Variants in RAB3IL1 observed in about 807,000 individuals in gnomAD.
RAB3IL1 encodes the protein guanine nucleotide exchange factor for Rab-3A.
Under a neutral mutation model 49.2 loss-of-function variants are expected in RAB3IL1, and 37 were observed. The observed-to-expected ratio is 0.75, with a 90% CI of 0.58 to 0.99. RAB3IL1 has a LOEUF of 0.99. RAB3IL1 is among the 50% of genes least tolerant of loss of function. The probability of loss-of-function intolerance (pLI) is 0.00; values close to 1 mark genes in which losing one functional copy is unlikely to be tolerated. For synonymous variants in RAB3IL1, 193 were observed against 213.9 expected, an observed-to-expected ratio of 0.90 and a Z score of 0.85; for missense variants, 484 against 513.0, an observed-to-expected ratio of 0.94 and a Z score of 0.55.
At chr11:61,918,322 C>T (rs1939799655), upstream of RAB3IL1, among the ~76,000 whole-genome samples, 3 of 152,334 alleles carry the variant, frequency 2.0e-5, no homozygotes, top group South Asian at 2.1e-4. Context: ...CAGAACCCGT[C>T]TTCTCTCCCG....
chr11:61,917,327 G>A (rs1401489362), intron 1 of RAB3IL1, 30 bp downstream of exon 1: 2 of 1,320,262 alleles, frequency 1.5e-6, no homozygotes, highest in African/African-American at 1.5e-5. Context: ...CCCAGACCCA[G>A]CGCGGGACCG....
At chr11:61,920,113 A>G, upstream of RAB3IL1, 1 of 1,347,532 alleles carries the variant, frequency 7.4e-7, no homozygotes, top group Non-Finnish European at 9.6e-7. Flanking sequence ...GGCGTAGCGG[A>G]CAGTCCCTGC....
Position 61,906,892 on chromosome 11 carries a change from G to T in RAB3IL1, c.439-208C>A, listed in dbSNP as rs1255153795. Among the ~76,000 whole-genome samples the T allele has an allele frequency of 1.3e-5, 2 of 152,232 alleles. No individual in the cohort carries two copies. The highest frequency in any genetic ancestry group is 4.8e-5 in the African/African-American group (2 of 41,456). ...GAGGCTCACAGAGGCGACATGGCCT[G>T]CCCAAGGTCACTCTGTGAGCAGGAT... On this transcript the variant is annotated intron_variant, in intron 4 of 9. Coordinates refer to ENST00000394836, the MANE Select transcript of RAB3IL1 (RefSeq NM_013401.4). This position sits in a 1 kb window ranked among gnomAD's most constrained non-coding sequence, Gnocchi z 4.6.
intron 7 of RAB3IL1, among the ~76,000 whole-genome samples, chr11:61,903,930 GT>G (rs1939045870): frequency 6.6e-6 from 1 of 151,938 alleles, no homozygotes; most frequent in Non-Finnish European, 1.5e-5. Context: ...CCAATTCCCT[GT>G]CCCCCCACTG....
At chr11:61,924,559 C>T (rs958836462), upstream of RAB3IL1, among the ~76,000 whole-genome samples, 1 of 152,176 alleles carries the variant, frequency 6.6e-6, no homozygotes, top group African/African-American at 2.4e-5. Context: ...AAATGAATCC[C>T]TTCTCTGGCT....
chr11:61,901,827 C>T (rs138510260), intron 8 of RAB3IL1, among the ~76,000 whole-genome samples: 128 of 152,332 alleles, frequency 8.4e-4, no homozygotes, highest in Non-Finnish European at 1.6e-3. Flanking sequence ...CAGCTTACTG[C>T]GACCTTGCAA....
Position 61,908,258 on chromosome 11 carries a change from C to T in RAB3IL1, c.60G>A (p.Pro20=), listed in dbSNP as rs1380478584. The T allele has an allele frequency of 1.3e-6, 2 of 1,521,208 alleles. No homozygotes were observed. Among genetic ancestry groups the T allele is most frequent in the Non-Finnish European group, 8.8e-7 (1 of 1,134,362 alleles). 94.2% of individuals were successfully genotyped at this position (1,521,208 alleles called of 1,614,324 possible). A position where few individuals can be genotyped will look rare whatever the true frequency, so the allele number is the denominator to read the frequency against. Residue 20 remains proline, a synonymous_variant, in exon 2 of 10, where the codon CCG becomes CCA. Transcript: ENST00000394836. ...AGGGGTCCGTGCTCTTCCAGGGGAC[C>T]GGGACAGCTGCAAGGGGCGGCGGGA... ...QGLPPPLAAV[P]VPWKSTDPCQ...
the RAB3IL1 span, among the ~76,000 whole-genome samples, chr11:61,934,729 T>C: frequency 3.3e-5 from 5 of 151,690 alleles, no homozygotes; most frequent in Non-Finnish European, 7.4e-5. Context: ...AGTTGTAAAT[T>C]GCCTGGCTTA....
chr11:61,926,104 C>CAAAAAAAAAAAAAA, the RAB3IL1 span, among the ~76,000 whole-genome samples: 3 of 64,058 alleles, frequency 4.7e-5, no homozygotes, highest in Admixed American at 2.2e-4. Context: ...TCCTTCCTGC[C>CAAAAAAAAAAAAAA]AAAAAAAAAA....
chr11:61,897,669 G>C lies in RAB3IL1; in HGVS notation c.*609C>G, dbSNP rs1565354314. 1 of 152,010 alleles carries C rather than the reference G, an allele frequency of 6.6e-6. No homozygotes were observed. Among genetic ancestry groups the C allele is most frequent in the African/African-American group, 2.4e-5 (1 of 41,228 alleles). The allele number at this position is 152,010 out of a possible 1,614,324, so 9.4% of individuals were successfully genotyped here. On this transcript the variant is annotated 3_prime_UTR_variant, in exon 10 of 10. Transcript: ENST00000394836. ...GCCTTTATGAAGGGGGAGGGAGGAA[G>C]GGGGAAAGGAAGGGAGGAAGCGGGG...
the RAB3IL1 span, among the ~76,000 whole-genome samples, chr11:61,946,073 C>T: frequency 1.3e-5 from 2 of 152,180 alleles, no homozygotes; most frequent in African/African-American, 2.4e-5. Flanking sequence ...GGCTTCCGGG[C>T]CCTGGACTGG....
chr11:61,940,106 C>G, the RAB3IL1 span, among the ~76,000 whole-genome samples: 4 of 152,108 alleles, frequency 2.6e-5, no homozygotes, highest in Non-Finnish European at 4.4e-5. Flanking sequence ...GATCGTACCA[C>G]TTCTCTCCAT....
At chr11:61,939,551 AAAC>A in the RAB3IL1 span, among the ~76,000 whole-genome samples, 1 of 152,096 alleles carries the variant, frequency 6.6e-6, no homozygotes, top group African/African-American at 2.4e-5. Flanking sequence ...GAAAAGAGAA[AAAC>A]AACAGAAAGA....
chr11:61,927,574 C>A, the RAB3IL1 span, among the ~76,000 whole-genome samples: 1 of 152,076 alleles, frequency 6.6e-6, no homozygotes, highest in East Asian at 1.9e-4. Context: ...GGGGCTAGAT[C>A]TTGTGGGGCT....
At position 61,904,980 on chromosome 11, in the gene RAB3IL1, G is replaced by C. The variant is rs573102598; in HGVS notation, c.658-98C>G. The stretch of plus-strand genomic sequence containing the variant: ...GAAGGGGAGCGAGGGAGGACGTGGG[G>C]CAGGCCCAGCAAGCCAGCAGGTCGA... On this transcript the variant is annotated intron_variant, in intron 5 of 9. Transcript: ENST00000394836. 2.3e-5 allele frequency: 21 copies of C among 901,064 alleles called. No homozygotes were observed. The African/African-American group carries it at 3.5e-4, about 15-fold the overall frequency. 55.8% of individuals were successfully genotyped at this position (901,064 alleles called of 1,614,324 possible). A position where few individuals can be genotyped will look rare whatever the true frequency, so the allele number is the denominator to read the frequency against.
At chr11:61,928,524 T>C in the RAB3IL1 span, among the ~76,000 whole-genome samples, 1 of 151,790 alleles carries the variant, frequency 6.6e-6, no homozygotes, top group Admixed American at 6.6e-5. Context: ...ACCCTCAAAA[T>C]ACATGGAGCT....
chr11:61,904,908 G>C, intron 5 of RAB3IL1, 26 bp from the exon 6 acceptor site: 1 of 1,537,336 alleles, frequency 6.5e-7, no homozygotes, highest in Non-Finnish European at 8.8e-7. Flanking sequence ...AGCGAGGGTG[G>C]GGGCGGTCAG....
Position 61,906,780 on chromosome 11 carries a change from C to T in RAB3IL1, c.439-96G>A. The T allele has an allele frequency of 3.4e-6, 4 of 1,167,372 alleles. No individual in the cohort carries two copies. Among genetic ancestry groups the T allele is most frequent in the African/African-American group, 1.5e-5 (1 of 66,436 alleles). 72.3% of individuals were successfully genotyped at this position (1,167,372 alleles called of 1,614,324 possible). A position where few individuals can be genotyped will look rare whatever the true frequency, so the allele number is the denominator to read the frequency against. ...CCTAACTCAGGACAATGCACCCCTG[C>T]AGTGACAGGCACTTAGTCCCACCCG... On this transcript the variant is annotated intron_variant, in intron 4 of 9. Coordinates refer to ENST00000394836, the MANE Select transcript of RAB3IL1 (RefSeq NM_013401.4). The surrounding 1 kb of genome is among the most constrained non-coding windows in gnomAD (Gnocchi z 4.6).
At chr11:61,903,784 C>A (rs1939038508) in intron 7 of RAB3IL1, among the ~76,000 whole-genome samples, 1 of 152,124 alleles carries the variant, frequency 6.6e-6, no homozygotes, top group African/African-American at 2.4e-5. Flanking sequence ...CTCAACCTCC[C>A]AGAGTGCTGG....
Sources: allele counts gnomAD v4.1 joint callset (sites outside exome capture counted in the v4.1 genomes callset), GRCh38; gene constraint gnomAD v4.1.1; non-coding constraint Gnocchi (gnomAD v3.1); transcripts MANE v1.5; gene names NCBI Gene and HGNC (gene_info 2026-07-23, HGNC 2026-07-21).